SLC1A2: variants seen among roughly 807,000 people sequenced by gnomAD.
The protein encoded by SLC1A2 is solute carrier family 1 member 2.
In SLC1A2, 15 loss-of-function variants were observed where a neutral mutation model predicts 48.8. The observed-to-expected ratio is 0.31, with a 90% confidence interval of 0.21 to 0.47. The LOEUF (loss-of-function observed/expected upper bound fraction) is 0.47. SLC1A2 is among the 20% of genes least tolerant of loss of function. SLC1A2 has a pLI of 0.99. For missense variants in SLC1A2, 502 were observed against 730.5 expected (o/e 0.69, Z 3.61); for synonymous variants, 279 against 272.6 (o/e 1.02, Z -0.23).
intron 1 of SLC1A2, among the ~76,000 whole-genome samples, chr11:35,331,513 C>T (rs1852425194): frequency 6.6e-6 from 1 of 152,084 alleles, no homozygotes; most frequent in Non-Finnish European, 1.5e-5. Context: ...TCCAGTCACC[C>T]CTGAAGGGTA....
rs1046155981 is a variant in SLC1A2, at chr11:35,256,073, A to T, written c.*4821T>A. 6.6e-6 allele frequency: 1 copy of T among 152,238 alleles called. No individual in the cohort carries two copies. Among genetic ancestry groups the T allele is most frequent in the Admixed American group, 6.5e-5 (1 of 15,272 alleles). 9.4% of individuals were successfully genotyped at this position (152,238 alleles called of 1,614,324 possible). On this transcript the variant is annotated 3_prime_UTR_variant, in exon 11 of 11. Transcript: ENST00000278379. ...ATAGGGCTGGAAGGGGATTTTAGTC[A>T]TTTAATCCAACCCCTTCACTTTTCA...
chr11:35,336,736 G>A lies in SLC1A2; in HGVS notation c.18-19220C>T, dbSNP rs114915817. Among the ~76,000 whole-genome samples the A allele has an allele frequency of 2.3e-3, 355 of 152,296 alleles. 4 individuals are homozygous for A. Among genetic ancestry groups the A allele is most frequent in the African/African-American group, 8.3e-3 (346 of 41,558 alleles). On this transcript the variant is annotated intron_variant, in intron 1 of 10. Coordinates refer to ENST00000278379, the MANE Select transcript of SLC1A2 (RefSeq NM_004171.4). ...AGGACTATGCTCAAGTAACTAGGCAGCCAATTCAAATACTCCATCCTCCAA... is the reference window on the plus strand; with the variant it reads ...AGGACTATGCTCAAGTAACTAGGCAACCAATTCAAATACTCCATCCTCCAA...
At position 35,260,798 on chromosome 11, in the gene SLC1A2, G is replaced by C; in HGVS notation, c.*96C>G. On this transcript the variant is annotated 3_prime_UTR_variant, in exon 11 of 11. Transcript: ENST00000278379. ...AGATTAAGTAAACATAGAAATATAC[G>C]CATTTTTTTCCTTTTTAAAGAAAGC... The C allele has an allele frequency of 1.1e-6, 1 of 880,340 alleles. No homozygotes were observed. Among genetic ancestry groups the C allele is most frequent in the South Asian group, 1.4e-5 (1 of 72,264 alleles). The allele number at this position is 880,340 out of a possible 1,614,324, so 54.5% of individuals were successfully genotyped here.
At chr11:35,283,383 A>G (rs950001935) in intron 8 of SLC1A2, among the ~76,000 whole-genome samples, 1 of 152,208 alleles carries the variant, frequency 6.6e-6, no homozygotes, top group African/African-American at 2.4e-5. Flanking sequence ...AAGTATATAC[A>G]CCCGTGGTGG....
At position 35,252,555 on chromosome 11, in the gene SLC1A2, G is replaced by A. The variant is rs1022969646; in HGVS notation, c.*8339C>T. The A allele has an allele frequency of 9.9e-5, 15 of 152,262 alleles. No homozygotes were observed. The highest frequency in any genetic ancestry group is 3.4e-4 in the African/African-American group (14 of 41,550). The allele number at this position is 152,262 out of a possible 1,614,324, so 9.4% of individuals were successfully genotyped here. A position where few individuals can be genotyped will look rare whatever the true frequency, so the allele number is the denominator to read the frequency against. On this transcript the variant is annotated 3_prime_UTR_variant, in exon 11 of 11. Coordinates refer to ENST00000278379, the MANE Select transcript of SLC1A2 (RefSeq NM_004171.4). The stretch of plus-strand genomic sequence containing the variant: ...CTGCTCTGAATTGTGTATTTACAAA[G>A]GTGCTGGACACACACAGACTTTCAA...
intron 9 of SLC1A2, among the ~76,000 whole-genome samples, chr11:35,273,367 A>G (rs139985331): frequency 6.6e-6 from 1 of 152,294 alleles, no homozygotes; most frequent in East Asian, 1.9e-4. Flanking sequence ...ACCAGCCTGG[A>G]TGACACTCCC....
chr11:35,331,615 T>G (rs1487196015), intron 1 of SLC1A2, among the ~76,000 whole-genome samples: 1 of 152,238 alleles, frequency 6.6e-6, no homozygotes, highest in Non-Finnish European at 1.5e-5. Context: ...CAGGGCTTTG[T>G]GCTGATATGG....
intron 7 of SLC1A2, chr11:35,291,244 T>TA (rs1850993009): frequency 6.6e-6 from 1 of 152,122 alleles, no homozygotes; most frequent in Non-Finnish European, 1.5e-5. Flanking sequence ...AATTCTCAAT[T>TA]GTAAGGCATT....
intron 1 of SLC1A2, among the ~76,000 whole-genome samples, chr11:35,405,139 T>C (rs1382081636): frequency 6.6e-6 from 1 of 152,114 alleles, no homozygotes; most frequent in East Asian, 1.9e-4. Flanking sequence ...CAGGATGCAA[T>C]AAATATCTCC....
At chr11:35,285,773 C>A (rs537074340) in intron 8 of SLC1A2, 1 of 152,266 alleles carries the variant, frequency 6.6e-6, no homozygotes, top group African/African-American at 2.4e-5. Context: ...TATTTCAAGG[C>A]AAACAAAGCA....
At chr11:35,396,547 G>C (rs1469262958) in intron 1 of SLC1A2, among the ~76,000 whole-genome samples, 1 of 150,204 alleles carries the variant, frequency 6.7e-6, no homozygotes, top group Non-Finnish European at 1.5e-5. Context: ...TTGTAAATTT[G>C]TTTGAGTTCA....
chr11:35,266,389 T>C (rs114032586), intron 9 of SLC1A2, among the ~76,000 whole-genome samples: 2,026 of 152,344 alleles, frequency 0.013, 40 homozygotes, highest in African/African-American at 0.045. Flanking sequence ...GTGTTATGAC[T>C]ACTTGTCCTG....
intron 10 of SLC1A2, chr11:35,265,259 G>A: frequency 3.7e-6 from 2 of 533,876 alleles, no homozygotes; most frequent in South Asian, 2.9e-5. Context: ...GTTAAATGGG[G>A]TAGATAGGGG....
At chr11:35,273,047 A>G (rs989836397) in intron 9 of SLC1A2, among the ~76,000 whole-genome samples, 3 of 152,174 alleles carry the variant, frequency 2.0e-5, no homozygotes, top group African/African-American at 7.2e-5. Context: ...GTCACCCACA[A>G]TTCATCTGGT....
At chr11:35,275,260 C>A (rs1035206040) in intron 9 of SLC1A2, among the ~76,000 whole-genome samples, 10 of 152,176 alleles carry the variant, frequency 6.6e-5, no homozygotes, top group African/African-American at 2.4e-4. Flanking sequence ...ACATGTGAGC[C>A]CAGAAAAGAT....
chr11:35,268,612 C>T (rs1850175917), intron 9 of SLC1A2, among the ~76,000 whole-genome samples: 2 of 151,212 alleles, frequency 1.3e-5, no homozygotes, highest in South Asian at 2.1e-4. Flanking sequence ...TTGCAGTGAG[C>T]CGAGATGGTG....
chr11:35,392,116 CGT>C (rs1225827656), intron 1 of SLC1A2, among the ~76,000 whole-genome samples: 6 of 151,742 alleles, frequency 4.0e-5, no homozygotes, highest in Non-Finnish European at 7.4e-5. Flanking sequence ...TGTTTGTGCA[CGT>C]GTGTGTGTGT....
At chr11:35,302,272 T>C (rs1851377714) in intron 5 of SLC1A2, among the ~76,000 whole-genome samples, 1 of 152,228 alleles carries the variant, frequency 6.6e-6, no homozygotes, top group South Asian at 2.1e-4. Context: ...TCCAGTTTTT[T>C]TAAATGTAAT....
intron 1 of SLC1A2, among the ~76,000 whole-genome samples, chr11:35,361,167 T>G (rs1853667903): frequency 6.6e-6 from 1 of 152,164 alleles, no homozygotes; most frequent in Non-Finnish European, 1.5e-5. Context: ...TGAGCCACCA[T>G]GACTGGCCTG....
Sources: gnomAD v4.1 joint callset for allele counts (sites outside exome capture counted in the v4.1 genomes callset) on GRCh38, gnomAD v4.1.1 for gene constraint, MANE v1.5 for transcripts, NCBI Gene and HGNC (gene_info 2026-07-23, HGNC 2026-07-21) for gene names.